TMEM232: variants seen among roughly 807,000 people sequenced by gnomAD.
TMEM232 encodes transmembrane protein 232.
TMEM232 carries 80 observed loss-of-function variants against 78.8 expected under a neutral mutation model. That is an observed-to-expected ratio of 1.01 (90% CI 0.85 to 1.22). The LOEUF (loss-of-function observed/expected upper bound fraction) is 1.22, where lower values mean the gene tolerates loss of function less well. Among genes scored for constraint, TMEM232 ranks in the 50% most tolerant of loss-of-function variants. The probability of loss-of-function intolerance (pLI) is 0.00; values close to 1 mark genes in which losing one functional copy is unlikely to be tolerated. For synonymous variants in TMEM232, 297 were observed against 254.3 expected (o/e 1.17, Z -1.60); for missense variants, 881 against 742.2 (o/e 1.19, Z -2.17).
intron 1 of TMEM232, among the ~76,000 whole-genome samples, chr5:110,674,257 A>G (rs1285919570): frequency 6.6e-6 from 1 of 152,166 alleles, no homozygotes; most frequent in Admixed American, 6.6e-5. Flanking sequence ...AATAATCAAG[A>G]ATCAGGAATG....
intron 11 of TMEM232, among the ~76,000 whole-genome samples, chr5:110,560,812 G>A (rs755971253): frequency 3.9e-5 from 6 of 152,118 alleles, no homozygotes; most frequent in South Asian, 2.1e-4. Flanking sequence ...TCAGGTGAGC[G>A]CTATGCTACC....
chr5:110,456,004 T>C (rs1180847410), intron 12 of TMEM232, among the ~76,000 whole-genome samples: 8 of 152,200 alleles, frequency 5.3e-5, no homozygotes, highest in African/African-American at 1.9e-4. Flanking sequence ...TACATAATGA[T>C]GAAAGCAGAA....
chr5:110,550,232 T>C (rs780162695), intron 11 of TMEM232, among the ~76,000 whole-genome samples: 11 of 152,172 alleles, frequency 7.2e-5, no homozygotes, highest in Non-Finnish European at 1.2e-4. Context: ...TGAAATGTAT[T>C]TGGTAAAATT....
chr5:110,519,816 G>A (rs999961910), intron 12 of TMEM232, among the ~76,000 whole-genome samples: 1 of 150,716 alleles, frequency 6.6e-6, no homozygotes, highest in Non-Finnish European at 1.5e-5. Flanking sequence ...CCTGTCATTT[G>A]CAACAACATG....
intron 1 of TMEM232, among the ~76,000 whole-genome samples, chr5:110,678,492 A>T (rs1301121684): frequency 6.6e-6 from 1 of 152,204 alleles, no homozygotes; most frequent in East Asian, 1.9e-4. Context: ...AGAATGGTAC[A>T]TGTGTTATAA....
chr5:110,495,129 A>G (rs531750910), intron 12 of TMEM232, among the ~76,000 whole-genome samples: 5 of 151,108 alleles, frequency 3.3e-5, no homozygotes, highest in Admixed American at 6.6e-5. Context: ...TATATTAAAT[A>G]TTATATAAAA....
intron 6 of TMEM232, among the ~76,000 whole-genome samples, chr5:110,625,811 T>C (rs1004731809): frequency 2.7e-5 from 4 of 145,502 alleles, no homozygotes; most frequent in African/African-American, 1.0e-4. Flanking sequence ...TCATTGATTC[T>C]AGACAAACAT....
At chr5:110,703,722 G>A (rs148136025) in intron 1 of TMEM232, among the ~76,000 whole-genome samples, 146 of 152,196 alleles carry the variant, frequency 9.6e-4, no homozygotes, top group African/African-American at 3.5e-3. Flanking sequence ...AAATTACACA[G>A]TGATAGGAAA....
Position 110,618,478 on chromosome 5 carries a change from C to T in TMEM232, c.853G>A (p.Val285Met), listed in dbSNP as rs750093989. 6 of 1,551,470 alleles carry T rather than the reference C, an allele frequency of 3.9e-6. No individual in the cohort carries two copies. The highest frequency in any genetic ancestry group is 4.9e-5 in the East Asian group (2 of 40,884). ...VQNNSPQLNN[V>M]LEHLVFHKTQ... ...TTATGGAAGACGAGATGTTCAAGCA[C>T]GTTATTCAACTGAGGACTGTTATTC... Residue 285 changes from valine to methionine, a missense_variant, in exon 8 of 14, where the codon GTG (valine) becomes ATG (methionine). Coordinates refer to ENST00000455884, the MANE Select transcript of TMEM232 (RefSeq NM_001039763.4).
intron 10 of TMEM232, among the ~76,000 whole-genome samples, chr5:110,569,462 G>C (rs1184752960): frequency 6.6e-6 from 1 of 151,772 alleles, no homozygotes; most frequent in African/African-American, 2.4e-5. Context: ...GATGAACTTA[G>C]CCAAAAACCA....
upstream of TMEM232, chr5:110,726,839 G>C (rs1051931239): frequency 2.0e-5 from 3 of 152,104 alleles, no homozygotes; most frequent in African/African-American, 7.2e-5. Context: ...ACCTTTATTC[G>C]TTTTTAAAGA....
chr5:110,422,694 C>T (rs1305212194), intron 13 of TMEM232, among the ~76,000 whole-genome samples: 4 of 152,058 alleles, frequency 2.6e-5, no homozygotes, highest in African/African-American at 9.7e-5. Context: ...GAAGACAGCT[C>T]TTCCCTCTTT....
intron 7 of TMEM232, among the ~76,000 whole-genome samples, chr5:110,620,939 T>C (rs1473049795): frequency 7.0e-6 from 1 of 142,452 alleles, no homozygotes; most frequent in Non-Finnish European, 1.5e-5. Flanking sequence ...CTTGGCTCAC[T>C]GCAACCTCCG....
At chr5:110,699,590 A>C (rs1795203107) in intron 1 of TMEM232, among the ~76,000 whole-genome samples, 1 of 152,062 alleles carries the variant, frequency 6.6e-6, no homozygotes, top group South Asian at 2.1e-4. Context: ...GAAACTTTAC[A>C]AAGGGGAATG....
downstream of TMEM232, among the ~76,000 whole-genome samples, chr5:110,415,404 G>A (rs1756162040): frequency 6.6e-6 from 1 of 151,640 alleles, no homozygotes; most frequent in African/African-American, 2.4e-5. Context: ...TAGCCAAGAT[G>A]GTCTCGATCT....
intron 1 of TMEM232, among the ~76,000 whole-genome samples, chr5:110,687,060 TCTGTC>T (rs1162005027): frequency 6.6e-6 from 1 of 152,128 alleles, no homozygotes; most frequent in Non-Finnish European, 1.5e-5. Context: ...TGCCATTATC[TCTGTC>T]CTAGATTAAT....
At chr5:110,589,163 C>T (rs1779199312) in intron 10 of TMEM232, among the ~76,000 whole-genome samples, 1 of 152,092 alleles carries the variant, frequency 6.6e-6, no homozygotes, top group South Asian at 2.1e-4. Context: ...AGTCTGGATG[C>T]ATACGGGTCT....
intron 12 of TMEM232, among the ~76,000 whole-genome samples, chr5:110,506,693 G>C (rs1326456442): frequency 1.3e-5 from 2 of 152,122 alleles, no homozygotes; most frequent in African/African-American, 2.4e-5. Context: ...GGCTTGTTCA[G>C]CAACAGAGCA....
intron 2 of TMEM232, among the ~76,000 whole-genome samples, chr5:110,411,661 T>G (rs755657870): frequency 1.3e-5 from 2 of 152,202 alleles, no homozygotes; most frequent in African/African-American, 2.4e-5. Flanking sequence ...ATTTGACCAC[T>G]ACAGATATAT....
Sources: gnomAD v4.1 joint callset for allele counts (sites outside exome capture counted in the v4.1 genomes callset) on GRCh38, gnomAD v4.1.1 for gene constraint, MANE v1.5 for transcripts, NCBI Gene and HGNC (gene_info 2026-07-23, HGNC 2026-07-21) for gene names.